The following PRKCH variants were observed in gnomAD, a reference collection of about 807,000 sequenced individuals.
PRKCH encodes protein kinase C eta type.
A neutral mutation model predicts 82.5 loss-of-function variants in PRKCH; 28 were observed. That is an observed-to-expected ratio of 0.34 (90% CI 0.25 to 0.47). The LOEUF is 0.47. PRKCH is among the 20% of genes least tolerant of loss of function. The probability of loss-of-function intolerance (pLI) is 1.00; values close to 1 mark genes in which losing one functional copy is unlikely to be tolerated. For synonymous variants in PRKCH, 322 were observed against 327.4 expected (o/e 0.98, Z 0.18); for missense variants, 705 against 881.8 (o/e 0.80, Z 2.54).
At chr14:61,531,962 G>A (rs972167655) in intron 12 of PRKCH, among the ~76,000 whole-genome samples, 1 of 152,202 alleles carries the variant, frequency 6.6e-6, no homozygotes, top group African/African-American at 2.4e-5. Context: ...ACTCACCTAG[G>A]TTGGCTGCAG....
chr14:61,264,028 T>C (rs1220996993), intron 1 of PRKCH, among the ~76,000 whole-genome samples: 1 of 152,124 alleles, frequency 6.6e-6, no homozygotes, highest in Non-Finnish European at 1.5e-5. Flanking sequence ...CTCTGCACCT[T>C]ATAACTGTAT....
At chr14:61,274,848 T>G (rs2140088119) in intron 1 of PRKCH, among the ~76,000 whole-genome samples, 1 of 152,292 alleles carries the variant, frequency 6.6e-6, no homozygotes, top group Non-Finnish European at 1.5e-5. Flanking sequence ...ATTATGCCAC[T>G]TATATATATG....
intron 10 of PRKCH, chr14:61,492,410 T>G (rs1314094477): frequency 2.0e-5 from 3 of 152,224 alleles, no homozygotes; most frequent in African/African-American, 7.2e-5. Context: ...AGGGCCAAGT[T>G]ATCTTTTACA....
intron 4 of PRKCH, 95 bp downstream of exon 4, chr14:61,445,821 G>A: frequency 7.7e-7 from 1 of 1,290,978 alleles, no homozygotes; most frequent in Non-Finnish European, 1.1e-6. Flanking sequence ...CCTTAATATT[G>A]TGATAAATAA....
At chr14:61,499,890 A>G (rs1003344435) in intron 10 of PRKCH, among the ~76,000 whole-genome samples, 2 of 149,676 alleles carry the variant, frequency 1.3e-5, no homozygotes, top group Non-Finnish European at 3.0e-5. Context: ...GGTAGACTTA[A>G]AAAAAAAAAT....
intron 9 of PRKCH, among the ~76,000 whole-genome samples, chr14:61,484,017 G>C (rs1466743449): frequency 1.3e-5 from 2 of 152,234 alleles, no homozygotes; most frequent in East Asian, 1.9e-4. Context: ...CTTCAGCTTG[G>C]GTGACAGAAT....
intron 1 of PRKCH, among the ~76,000 whole-genome samples, chr14:61,335,453 A>C (rs1050073689): frequency 5.3e-5 from 8 of 152,338 alleles, no homozygotes; most frequent in Non-Finnish European, 1.2e-4. Context: ...GGTATAACTG[A>C]TAGGGCCCCA....
chr14:61,299,138 G>T (rs1338483943), intron 1 of PRKCH, among the ~76,000 whole-genome samples: 2 of 152,160 alleles, frequency 1.3e-5, no homozygotes, highest in Non-Finnish European at 1.5e-5. Context: ...TTTACACCAT[G>T]AGAACACAGT....
intron 1 of PRKCH, among the ~76,000 whole-genome samples, chr14:61,210,790 C>CTGTG (rs1014835104): frequency 2.2e-5 from 3 of 138,982 alleles, no homozygotes; most frequent in Admixed American, 7.1e-5. Context: ...CTCTCTCTCT[C>CTGTG]TGTGTGTGTG....
intron 1 of PRKCH, among the ~76,000 whole-genome samples, chr14:61,370,078 G>T (rs2046345588): frequency 6.6e-6 from 1 of 151,764 alleles, no homozygotes; most frequent in Non-Finnish European, 1.5e-5. Context: ...CAAGTAATTG[G>T]GATTACAGGC....
intron 1 of PRKCH, among the ~76,000 whole-genome samples, chr14:61,384,667 G>C (rs1174779907): frequency 6.6e-6 from 1 of 152,044 alleles, no homozygotes; most frequent in Non-Finnish European, 1.5e-5. Flanking sequence ...CTTTGAGGAA[G>C]GGGTTACTTG....
chr14:61,266,390 C>A (rs1336389296), intron 1 of PRKCH, among the ~76,000 whole-genome samples: 1 of 152,094 alleles, frequency 6.6e-6, no homozygotes, highest in African/African-American at 2.4e-5. Flanking sequence ...TGAACTCCAG[C>A]CTGGGCAACA....
At chr14:61,240,758 G>T (rs1381536596) in intron 1 of PRKCH, among the ~76,000 whole-genome samples, 1 of 151,872 alleles carries the variant, frequency 6.6e-6, no homozygotes, top group African/African-American at 2.4e-5. Flanking sequence ...CCACCCATTT[G>T]TCCTTTTTAC....
chr14:61,309,028 A>C (rs1241177200), intron 1 of PRKCH, among the ~76,000 whole-genome samples: 3 of 149,896 alleles, frequency 2.0e-5, no homozygotes, highest in Non-Finnish European at 2.9e-5. Flanking sequence ...TCATGCCTAT[A>C]ATCCTAGCAC....
intron 7 of PRKCH, among the ~76,000 whole-genome samples, chr14:61,453,685 C>T (rs557134035): frequency 3.3e-5 from 5 of 151,254 alleles, no homozygotes; most frequent in African/African-American, 1.2e-4. Flanking sequence ...ATGGGGTCTT[C>T]CTCTGTCACC....
chr14:61,507,638 G>A (rs1414984867), intron 10 of PRKCH, among the ~76,000 whole-genome samples: 1 of 152,132 alleles, frequency 6.6e-6, no homozygotes, highest in Admixed American at 6.5e-5. Flanking sequence ...GATGGGCCTG[G>A]AGGAGATTAT....
intron 1 of PRKCH, among the ~76,000 whole-genome samples, chr14:61,333,218 G>C (rs2045812453): frequency 6.6e-6 from 1 of 152,162 alleles, no homozygotes; most frequent in Admixed American, 6.6e-5. Flanking sequence ...TTTTGAAACT[G>C]TTGTCGAGCC....
At chr14:61,506,505 G>T (rs1457690884) in intron 10 of PRKCH, among the ~76,000 whole-genome samples, 1 of 152,010 alleles carries the variant, frequency 6.6e-6, no homozygotes, top group African/African-American at 2.4e-5. Context: ...CTGGACTCTC[G>T]CATGAGTTTC....
At chr14:61,389,723 T>C (rs1594652093) in intron 1 of PRKCH, among the ~76,000 whole-genome samples, 1 of 146,278 alleles carries the variant, frequency 6.8e-6, no homozygotes, top group Non-Finnish European at 1.5e-5. Context: ...AGAGAAAAAA[T>C]GCTAAATAAT....
Sources: allele counts gnomAD v4.1 joint callset (sites outside exome capture counted in the v4.1 genomes callset), GRCh38; gene constraint gnomAD v4.1.1; transcripts MANE v1.5; gene names NCBI Gene and HGNC (gene_info 2026-07-23, HGNC 2026-07-21).